Variants in ROBO1 observed in about 807,000 individuals in gnomAD.
The protein encoded by ROBO1 is roundabout guidance receptor 1.
Under a neutral mutation model 195.9 loss-of-function variants are expected in ROBO1, and 149 were observed. The observed-to-expected ratio is 0.76, with a 90% CI of 0.67 to 0.87. The LOEUF is 0.87. ROBO1 is among the 40% of genes least tolerant of loss of function. ROBO1 has a pLI of 0.00. For synonymous variants in ROBO1, 816 were observed against 733.2 expected (o/e 1.11, Z -1.82); for missense variants, 1,933 against 2,068.3 (o/e 0.93, Z 1.27).
rs1946103997 is a variant in ROBO1, at chr3:79,654,543, G to GT, written c.-50-64583dup. Reference sequence around the variant, plus strand: ...AAAAAGTAGAAATCGCATTCCTTATGTTTGGGAACACATGCCAAAACTTGT... The same window carrying GT: ...AAAAAGTAGAAATCGCATTCCTTATGTTTTGGGAACACATGCCAAAACTTGT... On this transcript the variant is annotated intron_variant, in intron 1 of 30. Transcript: ENST00000464233. Among the ~76,000 whole-genome samples, 5 of 152,062 alleles carry GT rather than the reference G, an allele frequency of 3.3e-5. No individual in the cohort carries two copies. The South Asian group carries it at 1.0e-3, about 32-fold the overall frequency.
rs142198683 is a variant in ROBO1, at chr3:79,709,427, T to TTC, written c.-51+58323_-51+58324dup. On this transcript the variant is annotated intron_variant, in intron 1 of 30. Coordinates refer to ENST00000464233, the MANE Select transcript of ROBO1 (RefSeq NM_002941.4). ...TTAGCAACTATGTGTACAAAGAATT[T>TTC]TCATATGGGTGTGAGAGACAAATGG... is the stretch of plus-strand genomic sequence containing the variant. Among the ~76,000 whole-genome samples the TTC allele has an allele frequency of 7.3e-3, 1,111 of 152,228 alleles. 12 individuals are homozygous for TTC. Among genetic ancestry groups the TTC allele is most frequent in the African/African-American group, 0.025 (1,041 of 41,562 alleles).
At chr3:78,875,844 G>T (rs2035809511) in intron 4 of ROBO1, among the ~76,000 whole-genome samples, 1 of 151,976 alleles carries the variant, frequency 6.6e-6, no homozygotes, top group Middle Eastern at 3.4e-3. Context: ...AAAAGAAAAA[G>T]GAGTTATTAG....
At chr3:79,274,784 C>T (rs777901115) in intron 2 of ROBO1, among the ~76,000 whole-genome samples, 4 of 151,670 alleles carry the variant, frequency 2.6e-5, no homozygotes, top group Admixed American at 6.6e-5. Context: ...AAGTAAAATC[C>T]GAAATGATGA....
intron 2 of ROBO1, among the ~76,000 whole-genome samples, chr3:79,197,642 T>C (rs1235777901): frequency 6.6e-6 from 1 of 152,162 alleles, no homozygotes; most frequent in African/African-American, 2.4e-5. Context: ...TGACCTAGTT[T>C]ACACTCACAC....
At chr3:79,522,003 A>C (rs1235889686) in intron 2 of ROBO1, among the ~76,000 whole-genome samples, 4 of 152,214 alleles carry the variant, frequency 2.6e-5, no homozygotes, top group Admixed American at 1.3e-4. Context: ...TAGGATTGTC[A>C]TGTTAAGACA....
At chr3:79,611,120 G>A (rs1042927730) in intron 1 of ROBO1, among the ~76,000 whole-genome samples, 2 of 152,038 alleles carry the variant, frequency 1.3e-5, no homozygotes, top group Admixed American at 1.3e-4. Context: ...TGGATGTAGA[G>A]GGGCTAAGTT....
At chr3:78,737,516 AATCT>A (rs1381230867) in intron 5 of ROBO1, among the ~76,000 whole-genome samples, 2 of 152,182 alleles carry the variant, frequency 1.3e-5, no homozygotes, top group African/African-American at 4.8e-5. Flanking sequence ...ACACTGAACT[AATCT>A]AGGTATGATT....
At chr3:79,094,846 G>C (rs1290624522) in intron 3 of ROBO1, among the ~76,000 whole-genome samples, 7 of 151,002 alleles carry the variant, frequency 4.6e-5, no homozygotes, top group African/African-American at 1.7e-4. Flanking sequence ...CCATAGAGAA[G>C]TCTCTCTTCC....
intron 3 of ROBO1, among the ~76,000 whole-genome samples, chr3:78,958,692 C>T (rs916170937): frequency 7.2e-5 from 11 of 152,198 alleles, no homozygotes; most frequent in South Asian, 4.1e-4. Context: ...TCTTATCCTA[C>T]GTTGACCAAT....
At chr3:79,196,263 G>A (rs1199497445) in intron 2 of ROBO1, among the ~76,000 whole-genome samples, 1 of 148,660 alleles carries the variant, frequency 6.7e-6, no homozygotes, top group Non-Finnish European at 1.5e-5. Flanking sequence ...CTAGAAGGAT[G>A]AGAAGAGTTT....
intron 27 of ROBO1, among the ~76,000 whole-genome samples, chr3:78,617,222 C>G (rs1370906027): frequency 6.6e-6 from 1 of 152,030 alleles, no homozygotes; most frequent in Non-Finnish European, 1.5e-5. Flanking sequence ...AGAACTATCA[C>G]AACAAATTTG....
At chr3:79,109,126 C>T (rs768826314) in intron 3 of ROBO1, among the ~76,000 whole-genome samples, 3 of 151,334 alleles carry the variant, frequency 2.0e-5, no homozygotes, top group Non-Finnish European at 3.0e-5. Context: ...ACATCAAAAG[C>T]ATGTTTTACA....
At chr3:79,165,973 C>T (rs2081055834) in intron 2 of ROBO1, among the ~76,000 whole-genome samples, 1 of 152,186 alleles carries the variant, frequency 6.6e-6, no homozygotes, top group Admixed American at 6.5e-5. Context: ...ATAAATTCCA[C>T]CTGTGGAGAG....
At chr3:79,074,167 T>C (rs565533832) in intron 3 of ROBO1, among the ~76,000 whole-genome samples, 90 of 151,902 alleles carry the variant, frequency 5.9e-4, no homozygotes, top group African/African-American at 2.1e-3. Flanking sequence ...AACAAAAAAA[T>C]CCTACCCTTT....
intron 3 of ROBO1, among the ~76,000 whole-genome samples, chr3:79,034,662 T>C (rs1025738015): frequency 6.6e-6 from 1 of 152,128 alleles, no homozygotes; most frequent in African/African-American, 2.4e-5. Context: ...TTAAATTGAA[T>C]ATTACAGTCA....
intron 8 of ROBO1, among the ~76,000 whole-genome samples, chr3:78,695,497 C>T (rs1296967536): frequency 1.3e-5 from 2 of 151,666 alleles, no homozygotes; most frequent in African/African-American, 4.8e-5. Context: ...CGGTGGCACG[C>T]ACCTGCAGTC....
intron 2 of ROBO1, among the ~76,000 whole-genome samples, chr3:79,560,204 T>TA (rs982918098): frequency 6.6e-6 from 1 of 151,586 alleles, no homozygotes; most frequent in Non-Finnish European, 1.5e-5. Context: ...TATGCAGCCA[T>TA]AAAAAATGAT....
intron 2 of ROBO1, among the ~76,000 whole-genome samples, chr3:79,199,990 T>G (rs988757542): frequency 1.3e-5 from 2 of 151,564 alleles, no homozygotes; most frequent in African/African-American, 2.4e-5. Flanking sequence ...AAGGGAAGAA[T>G]AGAGTAAAAA....
chr3:78,826,699 A>G (rs1410813023), intron 4 of ROBO1, among the ~76,000 whole-genome samples: 1 of 152,222 alleles, frequency 6.6e-6, no homozygotes, highest in East Asian at 1.9e-4. Context: ...ATAGATATGC[A>G]TAGGGCAGGA....
Sources: allele counts gnomAD v4.1 joint callset (sites outside exome capture counted in the v4.1 genomes callset), GRCh38; gene constraint gnomAD v4.1.1; transcripts MANE v1.5; gene names NCBI Gene and HGNC (gene_info 2026-07-23, HGNC 2026-07-21).